CENPC: variants seen among roughly 807,000 people sequenced by gnomAD.
CENPC encodes CENP-C 1.
A neutral mutation model predicts 112.1 loss-of-function variants in CENPC; 63 were observed. That is an observed-to-expected ratio of 0.56 (90% CI 0.46 to 0.69). The LOEUF (loss-of-function observed/expected upper bound fraction) is 0.69, where lower values mean the gene tolerates loss of function less well. CENPC is among the 30% of genes least tolerant of loss of function. The pLI, the probability that CENPC is intolerant of heterozygous loss-of-function variation, is 0.00. For synonymous variants in CENPC, 333 were observed against 367.6 expected (o/e 0.91, Z 1.08); for missense variants, 1,000 against 1,103.8 (o/e 0.91, Z 1.33).
intron 2 of CENPC, among the ~76,000 whole-genome samples, chr4:67,542,451 A>G (rs1315796395): frequency 1.3e-5 from 2 of 152,232 alleles, no homozygotes; most frequent in Non-Finnish European, 2.9e-5. Context: ...GTCATCCATC[A>G]TAAAGTTTTA....
Position 67,531,190 on chromosome 4 carries a change from T to C in CENPC, c.232-276A>G, listed in dbSNP as rs532611492. Among the ~76,000 whole-genome samples, 6 of 152,180 alleles carry C rather than the reference T, an allele frequency of 3.9e-5. No homozygotes were observed. In the East Asian group the frequency reaches 5.8e-4, roughly 15 times the overall value. On this transcript the variant is annotated intron_variant, in intron 4 of 18. Coordinates refer to ENST00000273853, the MANE Select transcript of CENPC (RefSeq NM_001812.4). ...GTGGACAGAAGACTGAATAAACTTATTAAATAAATAAATTATAGTATAGAT... is the reference window on the plus strand; with the variant it reads ...GTGGACAGAAGACTGAATAAACTTACTAAATAAATAAATTATAGTATAGAT...
At position 67,492,211 on chromosome 4, in the gene CENPC, C is replaced by T; in HGVS notation, c.2484G>A (p.Lys828=). 2 of 1,567,964 alleles carry T rather than the reference C, an allele frequency of 1.3e-6. No individual in the cohort carries two copies. Among genetic ancestry groups the T allele is most frequent in the Non-Finnish European group, 1.7e-6 (2 of 1,154,268 alleles). The change falls in exon 16 of 19, where the codon AAG becomes AAA. Residue 828 remains lysine, a synonymous_variant. Transcript: ENST00000273853. ...LGDPLQPTRV[K]DPETREIILM... The stretch of plus-strand genomic sequence containing the variant: ...GAATAATCTCTCTTGTTTCTGGGTC[C>T]TTTACCCTCGTTGGCTGCAAAGGAT...
chr4:67,487,003 G>T (rs1725114356), intron 17 of CENPC, among the ~76,000 whole-genome samples: 1 of 148,452 alleles, frequency 6.7e-6, no homozygotes, highest in African/African-American at 2.5e-5. Flanking sequence ...AAGGCATGGG[G>T]TTGGCAAGAC....
At chr4:67,525,047 G>A (rs753485273) in intron 5 of CENPC, among the ~76,000 whole-genome samples, 1 of 152,126 alleles carries the variant, frequency 6.6e-6, no homozygotes, top group Admixed American at 6.5e-5. Context: ...TTTGCTCTTC[G>A]ACAAACCTGA....
In CENPC at chr4:67,472,192, A is replaced by G. The variant is rs1724683643; in HGVS notation, c.*413T>C. ...TCATTTTGTGGTATTTTGTTACAGC[A>G]GTTCTAGGAAATTAATACAAACATG... On this transcript the variant is annotated 3_prime_UTR_variant, in exon 19 of 19. Coordinates refer to ENST00000273853, the MANE Select transcript of CENPC (RefSeq NM_001812.4). The G allele has an allele frequency of 6.5e-6, 1 of 152,688 alleles. No individual in the cohort carries two copies. The highest frequency in any genetic ancestry group is 6.5e-5 in the Admixed American group (1 of 15,286). 9.5% of individuals were successfully genotyped at this position (152,688 alleles called of 1,614,324 possible).
chr4:67,482,506 C>T (rs1439220741), intron 17 of CENPC, among the ~76,000 whole-genome samples: 2 of 152,158 alleles, frequency 1.3e-5, no homozygotes, highest in Non-Finnish European at 1.5e-5. Flanking sequence ...ACCCAAATGC[C>T]TATTAATCAA....
intron 5 of CENPC, among the ~76,000 whole-genome samples, chr4:67,521,604 A>C (rs1726231962): frequency 6.6e-6 from 1 of 152,230 alleles, no homozygotes; most frequent in Non-Finnish European, 1.5e-5. Context: ...AATGACAGTC[A>C]CTATGAAAAG....
chr4:67,543,724 C>T (rs1237380430), intron 2 of CENPC, among the ~76,000 whole-genome samples: 5 of 152,124 alleles, frequency 3.3e-5, no homozygotes, highest in Non-Finnish European at 7.4e-5. Flanking sequence ...AAATATTTAA[C>T]TAGAAAATTT....
rs374282973 is a variant in CENPC, at chr4:67,472,636, C to T, written c.2801G>A (p.Ser934Asn). The T allele has an allele frequency of 3.3e-6, 5 of 1,516,992 alleles. No individual in the cohort carries two copies. The highest frequency in any genetic ancestry group is 4.4e-6 in the Non-Finnish European group (5 of 1,136,816). 94.0% of individuals were successfully genotyped at this position (1,516,992 alleles called of 1,614,324 possible). Residue 934 changes from serine (S) to asparagine (N), a missense_variant, in exon 19 of 19, where the codon AGT becomes AAT. By Grantham distance (46) the Ser-to-Asn change is conservative (BLOSUM62 1). Coordinates refer to ENST00000273853, the MANE Select transcript of CENPC (RefSeq NM_001812.4). Reference sequence around the variant, plus strand: ...TTTTATCTGAGTAAAAAGAAGAACACTTTCCTCATTCCGGAGATTTTTGAT... The same window carrying T: ...TTTTATCTGAGTAAAAAGAAGAACATTTTCCTCATTCCGGAGATTTTTGAT... ...YNIKNLRNEE[S>N]VLLFTQIKR
At chr4:67,543,101 A>C (rs529472151) in intron 2 of CENPC, among the ~76,000 whole-genome samples, 1 of 152,278 alleles carries the variant, frequency 6.6e-6, no homozygotes, top group African/African-American at 2.4e-5. Flanking sequence ...GTGTGTGTTT[A>C]TATCAGATAG....
chr4:67,509,255 C>CACAT (rs1553895287), intron 9 of CENPC, 150 bp from the exon 10 acceptor site: 2 of 469,860 alleles, frequency 4.3e-6, no homozygotes, highest in Non-Finnish European at 7.4e-6. Flanking sequence ...CACACACACA[C>CACAT]ATCTCAGGCT....
intron 10 of CENPC, among the ~76,000 whole-genome samples, 168 bp downstream of exon 10, chr4:67,508,646 T>TTGCCTG (rs1725802477): frequency 6.6e-6 from 1 of 152,040 alleles, no homozygotes; most frequent in Admixed American, 6.6e-5. Context: ...GAGTACTACT[T>TTGCCTG]TGCCTGTGTG....
chr4:67,497,653 C>A (rs987328657), intron 12 of CENPC, among the ~76,000 whole-genome samples: 2 of 152,088 alleles, frequency 1.3e-5, no homozygotes, highest in African/African-American at 4.8e-5. Context: ...CCGCCTCAGC[C>A]CGCCGAGTAG....
At chr4:67,489,031 C>G (rs1206020772) in intron 17 of CENPC, among the ~76,000 whole-genome samples, 1 of 151,934 alleles carries the variant, frequency 6.6e-6, no homozygotes, top group African/African-American at 2.4e-5. Flanking sequence ...CAATTTCAGA[C>G]TCCTGAAATG....
chr4:67,516,170 G>C (rs1455833342), intron 7 of CENPC, among the ~76,000 whole-genome samples: 1 of 151,992 alleles, frequency 6.6e-6, no homozygotes, highest in Admixed American at 6.5e-5. Flanking sequence ...TAAGACTAGT[G>C]CATTGAGATT....
rs565933767 is a variant in CENPC, at chr4:67,496,515, C to T, written c.2132-1303G>A. On this transcript the variant is annotated intron_variant, in intron 12 of 18. Coordinates refer to ENST00000273853, the MANE Select transcript of CENPC (RefSeq NM_001812.4). ...ATATATACCTTTTTTCCCTAAAAAGCAGGTCTGAGCTTTTATCATATTCTC... is the reference window on the plus strand; with the variant it reads ...ATATATACCTTTTTTCCCTAAAAAGTAGGTCTGAGCTTTTATCATATTCTC... 2.0e-5 allele frequency among the ~76,000 whole-genome samples: 3 copies of T among 152,210 alleles called. No homozygotes were observed. In the East Asian group the frequency reaches 5.8e-4, roughly 29 times the overall value.
intron 17 of CENPC, among the ~76,000 whole-genome samples, chr4:67,477,756 G>C (rs548026967): frequency 6.6e-6 from 1 of 152,138 alleles, no homozygotes; most frequent in Middle Eastern, 3.4e-3. Flanking sequence ...CATTACTCAA[G>C]GAGGCACCAG....
In CENPC at chr4:67,491,445, TCATATATA is replaced by T. The variant is rs1467614230; in HGVS notation, c.2515+727_2515+734del. On this transcript the variant is annotated intron_variant, in intron 16 of 18. Coordinates refer to ENST00000273853, the MANE Select transcript of CENPC (RefSeq NM_001812.4). ...ACAGTTGTTAATATATTTAAATATT[TCATATATA>T]TATATATATATATATATATATATAT... Among the ~76,000 whole-genome samples, 196 of 64,146 alleles carry T rather than the reference TCATATATA, an allele frequency of 3.1e-3. 6 individuals are homozygous for T. The highest frequency in any genetic ancestry group is 0.011 in the East Asian group (22 of 2,092). 42.1% of individuals were successfully genotyped at this position (64,146 alleles called of 152,430 possible). A position where few individuals can be genotyped will look rare whatever the true frequency, so the allele number is the denominator to read the frequency against.
chr4:67,478,224 A>T (rs935482257), intron 17 of CENPC, among the ~76,000 whole-genome samples: 18 of 152,182 alleles, frequency 1.2e-4, no homozygotes, highest in Admixed American at 1.1e-3. Context: ...TCGCAAAAAG[A>T]TCATCACCTA....
Sources: gnomAD v4.1 joint callset for allele counts (sites outside exome capture counted in the v4.1 genomes callset) on GRCh38, gnomAD v4.1.1 for gene constraint, MANE v1.5 for transcripts, NCBI Gene and HGNC (gene_info 2026-07-23, HGNC 2026-07-21) for gene names.